The following ZNF385D variants were observed in gnomAD, a reference collection of about 807,000 sequenced individuals.
ZNF385D encodes the protein zinc finger protein 659.
In ZNF385D, 15 loss-of-function variants were observed where a neutral mutation model predicts 35.8. That is an observed-to-expected ratio of 0.42 (90% CI 0.28 to 0.64). ZNF385D has a LOEUF of 0.64. Ranked by LOEUF, ZNF385D falls within the 30% of genes least tolerant of loss-of-function variation. The probability of loss-of-function intolerance (pLI) is 0.23; values close to 1 mark genes in which losing one functional copy is unlikely to be tolerated. For synonymous variants in ZNF385D, 212 were observed against 186.8 expected (o/e 1.13, Z -1.10); for missense variants, 474 against 494.6 (o/e 0.96, Z 0.39).
At position 21,607,171 on chromosome 3, in the gene ZNF385D, A is replaced by G. The variant is rs550187282; in HGVS notation, c.166-42487T>C. Among the ~76,000 whole-genome samples the G allele has an allele frequency of 3.3e-5, 5 of 152,340 alleles. No individual in the cohort carries two copies. In the East Asian group the frequency reaches 9.6e-4, roughly 29 times the overall value. On this transcript the variant is annotated intron_variant, in intron 2 of 7. Coordinates refer to ENST00000281523, the MANE Select transcript of ZNF385D (RefSeq NM_024697.3). ...AATCAATGGCATCTCAAATACAAATATATATAGATACACATACAAATATAT... is the reference window on the plus strand; with the variant it reads ...AATCAATGGCATCTCAAATACAAATGTATATAGATACACATACAAATATAT...
At chr3:21,782,309 C>A (rs548825359) in intron 3 of ZNF385D, among the ~76,000 whole-genome samples, 1 of 152,094 alleles carries the variant, frequency 6.6e-6, no homozygotes, top group African/African-American at 2.4e-5. Flanking sequence ...AACATAAAAT[C>A]TCCAAGTTTA....
At chr3:22,033,695 T>C (rs1026499972) in intron 3 of ZNF385D, among the ~76,000 whole-genome samples, 1 of 152,096 alleles carries the variant, frequency 6.6e-6, no homozygotes, top group African/African-American at 2.4e-5. Context: ...CAATGTCTAC[T>C]ATATTCCTTG....
intron 2 of ZNF385D, among the ~76,000 whole-genome samples, chr3:21,628,226 C>A (rs899770751): frequency 6.6e-6 from 1 of 152,040 alleles, no homozygotes; most frequent in African/African-American, 2.4e-5. Context: ...CACTCTGACA[C>A]CATGGGCTTT....
At chr3:22,282,276 GGGTTT>G (rs953911719) in intron 2 of ZNF385D, among the ~76,000 whole-genome samples, 1 of 151,754 alleles carries the variant, frequency 6.6e-6, no homozygotes, top group Non-Finnish European at 1.5e-5. Flanking sequence ...TTCTTCTGCT[GGGTTT>G]GGTTTGTTCT....
intron 3 of ZNF385D, among the ~76,000 whole-genome samples, chr3:22,024,295 T>G (rs1226525221): frequency 1.3e-5 from 2 of 152,038 alleles, no homozygotes; most frequent in Non-Finnish European, 2.9e-5. Context: ...AGTTAATACT[T>G]AATAAACTCC....
chr3:22,048,106 G>A (rs1699118323), intron 3 of ZNF385D, among the ~76,000 whole-genome samples: 1 of 151,806 alleles, frequency 6.6e-6, no homozygotes, highest in Non-Finnish European at 1.5e-5. Context: ...ACTTACTATT[G>A]AATTGAGTTC....
chr3:21,448,758 T>C (rs1003536898), intron 4 of ZNF385D, among the ~76,000 whole-genome samples: 2 of 152,156 alleles, frequency 1.3e-5, no homozygotes, highest in East Asian at 3.8e-4. Context: ...AGAAACCACA[T>C]AAACTAGATT....
At chr3:22,309,142 C>T (rs1331783298) in intron 2 of ZNF385D, among the ~76,000 whole-genome samples, 1 of 151,902 alleles carries the variant, frequency 6.6e-6, no homozygotes, top group Non-Finnish European at 1.5e-5. Context: ...AAAAGCAGCC[C>T]CTGTGTTAAT....
rs772207523 is a variant in ZNF385D at position 22,044,348 on chromosome 3, ATGGCT to A, written c.325+124464_325+124468del. On this transcript the variant is annotated intron_variant, in intron 3 of 5. Coordinates refer to the ZNF385D transcript ENST00000494108. Reference sequence around the variant, plus strand: ...TCTAATGTTTAGTACATGTCCTAAAATGGCTGCTTGATCGAATCACATCCCAAACT... The same window carrying A: ...TCTAATGTTTAGTACATGTCCTAAAAGCTTGATCGAATCACATCCCAAACT... Among the ~76,000 whole-genome samples, 20 of 152,238 alleles carry A rather than the reference ATGGCT, an allele frequency of 1.3e-4. No homozygotes were observed. In the East Asian group the frequency reaches 3.9e-3, roughly 29 times the overall value.
chr3:21,916,925 T>C (rs1284380761), intron 3 of ZNF385D, among the ~76,000 whole-genome samples: 1 of 152,214 alleles, frequency 6.6e-6, no homozygotes, highest in Non-Finnish European at 1.5e-5. Flanking sequence ...TCCCATTCTG[T>C]ATGTCGATTA....
intron 3 of ZNF385D, among the ~76,000 whole-genome samples, chr3:21,827,955 T>A (rs1386790070): frequency 2.6e-5 from 4 of 152,220 alleles, no homozygotes; most frequent in African/African-American, 9.6e-5. Context: ...GGAATCTACC[T>A]GGATAAATGT....
At chr3:21,869,420 C>T (rs1452169844) in intron 3 of ZNF385D, among the ~76,000 whole-genome samples, 1 of 152,124 alleles carries the variant, frequency 6.6e-6, no homozygotes, top group Non-Finnish European at 1.5e-5. Context: ...CCCCACCGCT[C>T]ATCAGCACAT....
chr3:21,993,044 A>T (rs1271775327), intron 3 of ZNF385D, among the ~76,000 whole-genome samples: 2 of 152,220 alleles, frequency 1.3e-5, no homozygotes, highest in East Asian at 3.8e-4. Flanking sequence ...ATCCTTGCCA[A>T]TCCTGAATCT....
chr3:22,068,770 G>A (rs182563707), intron 3 of ZNF385D, among the ~76,000 whole-genome samples: 9 of 152,250 alleles, frequency 5.9e-5, no homozygotes, highest in South Asian at 4.1e-4. Flanking sequence ...CAGCTGACAC[G>A]TGAAGAAAAA....
chr3:21,811,773 C>T (rs898509217), intron 3 of ZNF385D, among the ~76,000 whole-genome samples: 5 of 152,136 alleles, frequency 3.3e-5, no homozygotes, highest in Admixed American at 6.5e-5. Context: ...AAGAGGAGAA[C>T]AGCACCATTT....
chr3:21,819,026 T>C (rs35539138), intron 3 of ZNF385D, among the ~76,000 whole-genome samples: 265 of 152,050 alleles, frequency 1.7e-3, no homozygotes, highest in Non-Finnish European at 3.5e-3. Context: ...TATGAAGCAA[T>C]TGACAGAAAA....
chr3:21,858,250 A>G lies in ZNF385D; in HGVS notation c.326-193222T>C, dbSNP rs11924988. Among the ~76,000 whole-genome samples, 1,464 of 152,110 alleles carry G rather than the reference A, an allele frequency of 9.6e-3. 22 individuals are homozygous for G. The highest frequency in any genetic ancestry group is 0.034 in the African/African-American group (1,405 of 41,510). On this transcript the variant is annotated intron_variant, in intron 3 of 5. Coordinates refer to the ZNF385D transcript ENST00000494108. ...AGGTCACAAAATCAAAATAAAACTC[A>G]GAAGAGGCAATTCTGAGGGGTGTTA...
intron 3 of ZNF385D, among the ~76,000 whole-genome samples, chr3:21,819,510 G>C (rs1049827924): frequency 2.0e-5 from 3 of 150,610 alleles, no homozygotes; most frequent in African/African-American, 7.3e-5. Context: ...AAAAAATTTA[G>C]TATGGCTAAA....
intron 2 of ZNF385D, among the ~76,000 whole-genome samples, chr3:22,272,662 T>A (rs1034674241): frequency 6.6e-5 from 10 of 152,120 alleles, no homozygotes; most frequent in African/African-American, 2.2e-4. Context: ...TTAAAAAAAA[T>A]TCCTCTTAGG....
Sources: allele counts gnomAD v4.1 joint callset (sites outside exome capture counted in the v4.1 genomes callset), GRCh38; gene constraint gnomAD v4.1.1; transcripts MANE v1.5; gene names NCBI Gene and HGNC (gene_info 2026-07-23, HGNC 2026-07-21).